Variants in SESN1 observed in about 807,000 individuals in gnomAD.
SESN1 encodes sestrin 1.
A neutral mutation model predicts 59.3 loss-of-function variants in SESN1; 30 were observed. That is an observed-to-expected ratio of 0.51 (90% CI 0.38 to 0.69). The LOEUF (loss-of-function observed/expected upper bound fraction) is 0.69. Ranked by LOEUF, SESN1 falls within the 30% of genes least tolerant of loss-of-function variation. SESN1 has a pLI of 0.00. For synonymous variants in SESN1, 197 were observed against 219.9 expected (o/e 0.90, Z 0.92); for missense variants, 566 against 673.0 (o/e 0.84, Z 1.76).
At chr6:109,056,622 T>C (rs575231737) in intron 1 of SESN1, among the ~76,000 whole-genome samples, 6 of 152,252 alleles carry the variant, frequency 3.9e-5, no homozygotes, top group Middle Eastern at 6.8e-3. Context: ...AGTTAAACAT[T>C]TGACTTCCCA....
At chr6:109,067,364 T>C (rs900277613) in intron 1 of SESN1, among the ~76,000 whole-genome samples, 1 of 152,198 alleles carries the variant, frequency 6.6e-6, no homozygotes, top group African/African-American at 2.4e-5. Context: ...CATTAATGTG[T>C]AGTCATCAAG....
Position 108,987,408 on chromosome 6 carries a change from G to C in SESN1, c.*136C>G. The C allele has an allele frequency of 1.8e-6, 1 of 544,714 alleles. No homozygotes were observed. The highest frequency in any genetic ancestry group is 2.8e-5 in the South Asian group (1 of 35,636). 33.7% of individuals were successfully genotyped at this position (544,714 alleles called of 1,614,324 possible). A position where few individuals can be genotyped will look rare whatever the true frequency, so the allele number is the denominator to read the frequency against. On this transcript the variant is annotated 3_prime_UTR_variant, in exon 10 of 10. Transcript: ENST00000436639. ...AGCAGTGGTTTTCCACAGAAAAATA[G>C]CAGAAACTAAAGGAATCATGGCACA...
At chr6:109,036,127 C>T (rs1780243932) in intron 1 of SESN1, among the ~76,000 whole-genome samples, 1 of 152,060 alleles carries the variant, frequency 6.6e-6, no homozygotes, top group Non-Finnish European at 1.5e-5. Flanking sequence ...CCAAGGTACA[C>T]TTAGGAAAGA....
intron 8 of SESN1, among the ~76,000 whole-genome samples, chr6:108,989,527 C>T (rs1779307571): frequency 6.9e-6 from 1 of 143,918 alleles, no homozygotes; most frequent in Non-Finnish European, 1.5e-5. Flanking sequence ...AGAGAGATAT[C>T]TATAGAGATA....
chr6:109,064,020 C>G (rs550635397), intron 1 of SESN1, among the ~76,000 whole-genome samples: 3 of 151,914 alleles, frequency 2.0e-5, no homozygotes, highest in Non-Finnish European at 4.4e-5. Context: ...TAAAATTGAG[C>G]CATGTATACA....
rs962097286 is a variant in SESN1 at position 109,094,216 on chromosome 6, A to C, written c.-143T>G. On this transcript the variant is annotated 5_prime_UTR_variant, in exon 1 of 10. Transcript: ENST00000436639. ...AAACACACATCTGGGTGACATTTGG[A>C]ACCACTGGTGCCTTCAGCCGATCTA... The C allele has an allele frequency of 7.9e-6, 7 of 880,862 alleles. No homozygotes were observed. The African/African-American group carries it at 8.5e-5, about 11-fold the overall frequency. 54.6% of individuals were successfully genotyped at this position (880,862 alleles called of 1,614,324 possible).
At position 108,998,742 on chromosome 6, in the gene SESN1, G is replaced by A. The variant is rs1436299259; in HGVS notation, c.743C>T (p.Ala248Val). 3 of 1,609,072 alleles carry A rather than the reference G, an allele frequency of 1.9e-6. No individual in the cohort carries two copies. Among genetic ancestry groups the A allele is most frequent in the East Asian group, 2.2e-5 (1 of 44,776 alleles). Reference protein sequence around the residue: ...TKEHIEGLLKAEEHSWSLAEL... With the variant: ...TKEHIEGLLKVEEHSWSLAEL... ...CGCAAGGGACCAGCTGTGCTCTTCA[G>A]CTTTTAAAAGTCCCTTAGGGGGAAA... Residue 248 changes from alanine (A) to valine (V), a missense_variant, in exon 5 of 10, where the codon GCT becomes GTT. Physicochemically the swap from Ala to Val is moderately conservative, Grantham distance 64. Coordinates refer to ENST00000436639, the MANE Select transcript of SESN1 (RefSeq NM_014454.3).
At chr6:109,082,737 G>A (rs1781146238) in intron 1 of SESN1, among the ~76,000 whole-genome samples, 1 of 152,206 alleles carries the variant, frequency 6.6e-6, no homozygotes, top group South Asian at 2.1e-4. Context: ...ATGACACGAT[G>A]TATTAAAATG....
At chr6:109,002,902 C>T (rs1401926748) in intron 1 of SESN1, among the ~76,000 whole-genome samples, 1 of 152,042 alleles carries the variant, frequency 6.6e-6, no homozygotes, top group Non-Finnish European at 1.5e-5. Context: ...TTTAGAGAAA[C>T]TCATTTTGTT....
chr6:109,079,231 T>G (rs1781080365), intron 1 of SESN1, among the ~76,000 whole-genome samples: 1 of 150,754 alleles, frequency 6.6e-6, no homozygotes, highest in African/African-American at 2.4e-5. Context: ...TTGTCTGATA[T>G]TCATACTCTA....
chr6:109,001,616 C>T, intron 2 of SESN1, 128 bp from the exon 3 acceptor site: 1 of 756,024 alleles, frequency 1.3e-6, no homozygotes, highest in South Asian at 1.9e-5. Context: ...AGAGGGGTTA[C>T]AAATTTAAAC....
At chr6:109,027,337 C>T (rs1264811423) in intron 1 of SESN1, among the ~76,000 whole-genome samples, 1 of 151,646 alleles carries the variant, frequency 6.6e-6, no homozygotes, top group Non-Finnish European at 1.5e-5. Context: ...TTTAGCCAGA[C>T]TTGGTGGCAT....
At chr6:109,029,797 G>T (rs924649343) in intron 1 of SESN1, among the ~76,000 whole-genome samples, 2 of 152,108 alleles carry the variant, frequency 1.3e-5, no homozygotes, top group Admixed American at 6.5e-5. Flanking sequence ...CTCCCAAAGT[G>T]CTGGGATTAT....
chr6:108,996,509 C>A (rs1432225185), intron 5 of SESN1, among the ~76,000 whole-genome samples: 12 of 152,038 alleles, frequency 7.9e-5, no homozygotes, highest in African/African-American at 2.7e-4. Context: ...TACCTATTCT[C>A]CTCTTAAAGA....
intron 1 of SESN1, among the ~76,000 whole-genome samples, chr6:109,082,957 G>A (rs1781150888): frequency 6.6e-6 from 1 of 152,144 alleles, no homozygotes; most frequent in Non-Finnish European, 1.5e-5. Context: ...CACTTACTAT[G>A]TGTTAGGTTT....
At chr6:109,072,776 A>G (rs1780960000) in intron 1 of SESN1, among the ~76,000 whole-genome samples, 3 of 152,190 alleles carry the variant, frequency 2.0e-5, no homozygotes, top group Non-Finnish European at 2.9e-5. Flanking sequence ...TAAAGTAAAC[A>G]GGAATATAAA....
chr6:109,048,846 C>T (rs1051103002), intron 1 of SESN1, among the ~76,000 whole-genome samples: 1 of 152,154 alleles, frequency 6.6e-6, no homozygotes, highest in Non-Finnish European at 1.5e-5. Flanking sequence ...TGGGATATGG[C>T]CATATATCAC....
At chr6:109,089,838 T>C (rs1260726266) in intron 1 of SESN1, among the ~76,000 whole-genome samples, 1 of 152,176 alleles carries the variant, frequency 6.6e-6, no homozygotes, top group Admixed American at 6.5e-5. Flanking sequence ...CTACCTCACA[T>C]CCTAGTCCAC....
At chr6:109,010,724 T>C (rs1317723911) in intron 1 of SESN1, among the ~76,000 whole-genome samples, 3 of 152,214 alleles carry the variant, frequency 2.0e-5, no homozygotes, top group Non-Finnish European at 4.4e-5. Flanking sequence ...AAATATTTTT[T>C]ACTGGTCAAA....
Sources: gnomAD v4.1 joint callset for allele counts (sites outside exome capture counted in the v4.1 genomes callset) on GRCh38, gnomAD v4.1.1 for gene constraint, MANE v1.5 for transcripts, NCBI Gene and HGNC (gene_info 2026-07-23, HGNC 2026-07-21) for gene names.